Variants in CDKAL1 observed in about 807,000 individuals in gnomAD.
The protein encoded by CDKAL1 is threonylcarbamoyladenosine tRNA methylthiotransferase.
In CDKAL1, 32 loss-of-function variants were observed where a neutral mutation model predicts 68.2. The observed-to-expected ratio is 0.47, with a 90% confidence interval of 0.35 to 0.63. The LOEUF (loss-of-function observed/expected upper bound fraction) is 0.63, where lower values mean the gene tolerates loss of function less well. CDKAL1 is among the 30% of genes least tolerant of loss of function. The pLI is 0.00. For synonymous variants in CDKAL1, 234 were observed against 244.3 expected, an observed-to-expected ratio of 0.96 and a Z score of 0.39; for missense variants, 606 against 696.7, an observed-to-expected ratio of 0.87 and a Z score of 1.47.
At chr6:20,726,725 G>A (rs1043951386) in intron 5 of CDKAL1, among the ~76,000 whole-genome samples, 5 of 152,150 alleles carry the variant, frequency 3.3e-5, no homozygotes, top group Non-Finnish European at 5.9e-5. Context: ...TGGGTTTTAT[G>A]CCTCACCAGT....
chr6:20,980,785 G>A (rs1252204307), intron 10 of CDKAL1, among the ~76,000 whole-genome samples: 4 of 152,062 alleles, frequency 2.6e-5, no homozygotes, highest in African/African-American at 9.7e-5. Context: ...ACAACATCAA[G>A]CCTTCACCAC....
intron 9 of CDKAL1, among the ~76,000 whole-genome samples, chr6:20,908,343 C>T (rs918998004): frequency 1.3e-5 from 2 of 152,074 alleles, no homozygotes; most frequent in African/African-American, 4.8e-5. Context: ...TTGGATGGGC[C>T]TAAATGTAAT....
chr6:21,079,661 G>A (rs558959040), intron 12 of CDKAL1, among the ~76,000 whole-genome samples: 41 of 152,264 alleles, frequency 2.7e-4, no homozygotes, highest in African/African-American at 8.9e-4. Flanking sequence ...ACCCTTGAAC[G>A]TTGCTGAAAA....
intron 4 of CDKAL1, among the ~76,000 whole-genome samples, chr6:20,568,753 A>AAAAAAAAC (rs1561931956): frequency 7.8e-5 from 10 of 127,512 alleles, no homozygotes; most frequent in Non-Finnish European, 1.4e-4. Flanking sequence ...AAAAAAAACA[A>AAAAAAAAC]AAAAACAAAA....
intron 9 of CDKAL1, among the ~76,000 whole-genome samples, chr6:20,932,485 A>G (rs1763506397): frequency 6.6e-6 from 1 of 152,182 alleles, no homozygotes; most frequent in South Asian, 2.1e-4. Context: ...TATAAGCATA[A>G]ACAGAAGAAA....
rs931550266 is a variant in CDKAL1, at chr6:21,021,814, G to A, written c.1055+21442G>A. ...TAATTCAACCCCCATAGTGCCATCC[G>A]TCCGGACATTTCAGTTGCTTCTCTA... On this transcript the variant is annotated intron_variant, in intron 11 of 15. Coordinates refer to ENST00000274695, the MANE Select transcript of CDKAL1 (RefSeq NM_017774.3). Among the ~76,000 whole-genome samples the A allele has an allele frequency of 7.2e-5, 11 of 152,224 alleles. 1 individual carries two copies. Among genetic ancestry groups the A allele is most frequent in the Admixed American group, 2.6e-4 (4 of 15,288 alleles).
chr6:20,740,298 G>A (rs1210113632), intron 6 of CDKAL1, among the ~76,000 whole-genome samples: 3 of 151,988 alleles, frequency 2.0e-5, no homozygotes, highest in East Asian at 3.9e-4. Context: ...AAATCTTCCC[G>A]TTGTATTTCT....
chr6:20,535,566 C>T (rs1268747739), intron 2 of CDKAL1, among the ~76,000 whole-genome samples, 172 bp downstream of exon 2: 1 of 152,126 alleles, frequency 6.6e-6, no homozygotes, highest in East Asian at 1.9e-4. Context: ...TTTACTTAAC[C>T]TTTCATTTTC....
intron 4 of CDKAL1, among the ~76,000 whole-genome samples, chr6:20,609,267 C>CCTCCTTCTCCTCCTT (rs1554162624): frequency 0.031 from 680 of 22,266 alleles, 8 homozygotes; most frequent in African/African-American, 0.07. Flanking sequence ...CTTCCTTCCT[C>CCTCCTTCTCCTCCTT]CTCCTTCTCC....
intron 9 of CDKAL1, among the ~76,000 whole-genome samples, 177 bp downstream of exon 9, chr6:20,846,355 T>G (rs1211224054): frequency 6.6e-6 from 1 of 152,200 alleles, no homozygotes; most frequent in African/African-American, 2.4e-5. Context: ...ATTTTTACAT[T>G]AATGACTCTT....
At chr6:20,869,937 G>T (rs1030905511) in intron 9 of CDKAL1, among the ~76,000 whole-genome samples, 2 of 152,108 alleles carry the variant, frequency 1.3e-5, no homozygotes, top group African/African-American at 4.8e-5. Flanking sequence ...GTAGGTAACT[G>T]ACATTAGTGA....
intron 9 of CDKAL1, among the ~76,000 whole-genome samples, chr6:20,947,627 A>G (rs1764311773): frequency 6.6e-6 from 1 of 152,068 alleles, no homozygotes; most frequent in Admixed American, 6.6e-5. Context: ...AGAAAAGAAA[A>G]AGAAAAAAGC....
At chr6:20,579,770 A>G (rs909912272) in intron 4 of CDKAL1, among the ~76,000 whole-genome samples, 1 of 152,118 alleles carries the variant, frequency 6.6e-6, no homozygotes, top group African/African-American at 2.4e-5. Context: ...CCTTGATCCT[A>G]GGGATGATGC....
chr6:21,207,367 A>G (rs572584649), intron 15 of CDKAL1, among the ~76,000 whole-genome samples: 1 of 152,150 alleles, frequency 6.6e-6, no homozygotes, highest in South Asian at 2.1e-4. Context: ...CTCTATAACA[A>G]TTTTAAAAAT....
chr6:20,858,447 TTAA>T (rs1581711155), intron 9 of CDKAL1, among the ~76,000 whole-genome samples: 1 of 152,232 alleles, frequency 6.6e-6, no homozygotes, highest in East Asian at 1.9e-4. Flanking sequence ...TATCCATGTC[TTAA>T]TAAAACTGAT....
rs1763014332 is a variant in CDKAL1, at chr6:20,922,723, GT to G, written c.743-32693del. 2.6e-5 allele frequency among the ~76,000 whole-genome samples: 4 copies of G among 152,232 alleles called. No individual in the cohort carries two copies. The South Asian group carries it at 8.3e-4, about 32-fold the overall frequency. ...CCGGGATGAGAACAGAGACATAGAA[GT>G]TTGTATCTGTAGTTATTTAAGTGGT... On this transcript the variant is annotated intron_variant, in intron 9 of 15. Transcript: ENST00000274695.
intron 15 of CDKAL1, among the ~76,000 whole-genome samples, chr6:21,208,967 C>T (rs1779044553): frequency 6.6e-6 from 1 of 152,194 alleles, no homozygotes; most frequent in Non-Finnish European, 1.5e-5. Flanking sequence ...ATTTCACTTG[C>T]ATCACTAATT....
At chr6:20,571,478 G>T (rs1764699637) in intron 4 of CDKAL1, among the ~76,000 whole-genome samples, 1 of 152,096 alleles carries the variant, frequency 6.6e-6, no homozygotes, top group South Asian at 2.1e-4. Context: ...TAATGAGGAA[G>T]TGAAGCAATG....
chr6:20,877,879 CTAGCCTTA>C (rs965058106), intron 9 of CDKAL1, among the ~76,000 whole-genome samples: 2 of 152,156 alleles, frequency 1.3e-5, no homozygotes, highest in African/African-American at 4.8e-5. Context: ...GTCTCTATTT[CTAGCCTTA>C]GCCCTAACCA....
Sources: allele counts gnomAD v4.1 joint callset (sites outside exome capture counted in the v4.1 genomes callset), GRCh38; gene constraint gnomAD v4.1.1; transcripts MANE v1.5; gene names NCBI Gene and HGNC (gene_info 2026-07-23, HGNC 2026-07-21).